The following XKR9 variants were observed in gnomAD, a reference collection of about 807,000 sequenced individuals.
XKR9 encodes XK-related protein 9.
Under a neutral mutation model 32.0 loss-of-function variants are expected in XKR9, and 32 were observed. The observed-to-expected ratio is 1.00, with a 90% confidence interval of 0.76 to 1.34. XKR9 has a LOEUF of 1.34. Ranked by LOEUF, XKR9 falls within the 40% of genes most tolerant of loss-of-function variation. The pLI is 0.00. For missense variants in XKR9, 546 were observed against 429.7 expected (o/e 1.27, Z -2.39); for synonymous variants, 168 against 143.4 (o/e 1.17, Z -1.22).
At chr8:70,990,694 A>G in the XKR9 span, among the ~76,000 whole-genome samples, 6 of 151,928 alleles carry the variant, frequency 3.9e-5, no homozygotes, top group Non-Finnish European at 8.8e-5. Context: ...CAAGAGAAAA[A>G]TTCTCTGAGA....
chr8:70,785,296 T>C (rs1807668448), intron 2 of XKR9, among the ~76,000 whole-genome samples: 1 of 151,968 alleles, frequency 6.6e-6, no homozygotes, highest in Non-Finnish European at 1.5e-5. Flanking sequence ...TATTCATGTA[T>C]AATTATTCAT....
chr8:71,055,611 G>A, the XKR9 span, among the ~76,000 whole-genome samples: 1 of 152,114 alleles, frequency 6.6e-6, no homozygotes, highest in Admixed American at 6.5e-5. Context: ...GGATTCTACT[G>A]ATTACTACTT....
the XKR9 span, among the ~76,000 whole-genome samples, chr8:70,940,747 C>T: frequency 6.6e-6 from 1 of 151,974 alleles, no homozygotes; most frequent in African/African-American, 2.4e-5. Flanking sequence ...ATTAAATGAT[C>T]ATACACATAA....
At chr8:70,766,149 GT>G (rs200267389) in intron 2 of XKR9, among the ~76,000 whole-genome samples, 11,039 of 152,116 alleles carry the variant, frequency 0.073, 474 homozygotes, top group Non-Finnish European at 0.089. Context: ...AAGAAATTCA[GT>G]GGTAGCTTGA....
the XKR9 span, among the ~76,000 whole-genome samples, chr8:70,950,023 C>G: frequency 6.6e-6 from 1 of 152,314 alleles, no homozygotes; most frequent in East Asian, 1.9e-4. Flanking sequence ...CTGCTAGCAG[C>G]CTTTCGCATT....
chr8:70,802,121 A>T, the XKR9 span, among the ~76,000 whole-genome samples: 5 of 151,856 alleles, frequency 3.3e-5, no homozygotes, highest in Non-Finnish European at 7.4e-5. Flanking sequence ...TATTTTTAGT[A>T]GACACGGGGT....
chr8:71,038,048 C>A, the XKR9 span, among the ~76,000 whole-genome samples: 1 of 152,118 alleles, frequency 6.6e-6, no homozygotes, highest in Non-Finnish European at 1.5e-5. Flanking sequence ...GTATTTAGTA[C>A]AGAGTTTATA....
intron 2 of XKR9, among the ~76,000 whole-genome samples, chr8:70,770,135 C>G (rs768803459): frequency 6.6e-6 from 1 of 152,060 alleles, no homozygotes; most frequent in Non-Finnish European, 1.5e-5. Context: ...GCATGTGTGT[C>G]CTTTTTGTTG....
At chr8:70,945,960 C>T in the XKR9 span, among the ~76,000 whole-genome samples, 2 of 152,064 alleles carry the variant, frequency 1.3e-5, no homozygotes, top group Admixed American at 6.5e-5. Context: ...CATGGTGAAA[C>T]CCCGTCTCTA....
the XKR9 span, among the ~76,000 whole-genome samples, chr8:70,963,904 C>T: frequency 6.6e-6 from 1 of 152,086 alleles, no homozygotes; most frequent in African/African-American, 2.4e-5. Context: ...AAATTTTTCT[C>T]CCATTTTGTA....
intron 2 of XKR9, among the ~76,000 whole-genome samples, chr8:70,764,064 T>C (rs1283995900): frequency 1.3e-5 from 2 of 152,236 alleles, no homozygotes; most frequent in Non-Finnish European, 2.9e-5. Context: ...TATAGCCTTA[T>C]TGATGAGCTC....
At chr8:70,936,887 TG>T in the XKR9 span, among the ~76,000 whole-genome samples, 2 of 152,132 alleles carry the variant, frequency 1.3e-5, no homozygotes, top group Non-Finnish European at 2.9e-5. Context: ...TGATATGTTA[TG>T]TTTTTTTCTT....
chr8:70,829,073 T>G, the XKR9 span, among the ~76,000 whole-genome samples: 4 of 152,238 alleles, frequency 2.6e-5, no homozygotes, highest in African/African-American at 9.6e-5. Context: ...GACATTTCTT[T>G]GGCCTTTATT....
chr8:70,893,821 A>G, the XKR9 span, among the ~76,000 whole-genome samples: 2 of 152,090 alleles, frequency 1.3e-5, no homozygotes, highest in African/African-American at 2.4e-5. Context: ...ATAACAGTGC[A>G]GTTTCCAGGT....
At chr8:70,930,445 C>A in the XKR9 span, among the ~76,000 whole-genome samples, 2 of 152,140 alleles carry the variant, frequency 1.3e-5, no homozygotes, top group African/African-American at 2.4e-5. Flanking sequence ...TAGTTTGCCA[C>A]TCCATGCCTT....
the XKR9 span, among the ~76,000 whole-genome samples, chr8:70,887,203 T>G: frequency 6.6e-6 from 1 of 152,236 alleles, no homozygotes. Flanking sequence ...TGCTTGTTTT[T>G]GTCAGATTTG....
the XKR9 span, among the ~76,000 whole-genome samples, chr8:71,020,284 A>G: frequency 2.6e-5 from 4 of 152,208 alleles, no homozygotes; most frequent in Non-Finnish European, 4.4e-5. Context: ...TTCAATTCCC[A>G]TATGGCCTAG....
At chr8:70,732,521 C>T (rs1177503653) in intron 4 of XKR9, among the ~76,000 whole-genome samples, 4 of 152,202 alleles carry the variant, frequency 2.6e-5, no homozygotes, top group Admixed American at 2.0e-4. Flanking sequence ...GTCACAAGGC[C>T]ATTCCTGGAC....
At chr8:70,802,097 C>T in the XKR9 span, among the ~76,000 whole-genome samples, 31 of 151,970 alleles carry the variant, frequency 2.0e-4, no homozygotes, top group African/African-American at 4.1e-4. Flanking sequence ...CCACCACGCC[C>T]GGCTATTTTT....
Sources: gnomAD v4.1 joint callset for allele counts (sites outside exome capture counted in the v4.1 genomes callset) on GRCh38, gnomAD v4.1.1 for gene constraint, MANE v1.5 for transcripts, NCBI Gene and HGNC (gene_info 2026-07-23, HGNC 2026-07-21) for gene names.